Variants in MGMT observed in about 807,000 individuals in gnomAD.
MGMT encodes methylated-DNA--protein-cysteine methyltransferase.
Under a neutral mutation model 15.9 loss-of-function variants are expected in MGMT, and 14 were observed. The observed-to-expected ratio is 0.88, with a 90% CI of 0.58 to 1.37. The LOEUF is 1.37. Among genes scored for constraint, MGMT ranks in the 40% most tolerant of loss-of-function variants. MGMT has a pLI of 0.00. For synonymous variants in MGMT, 130 were observed against 118.2 expected (o/e 1.10, Z -0.65); for missense variants, 282 against 268.1 (o/e 1.05, Z -0.36).
intron 3 of MGMT, among the ~76,000 whole-genome samples, chr10:129,756,460 G>T (rs1036262081): frequency 2.0e-5 from 3 of 151,846 alleles, no homozygotes; most frequent in Non-Finnish European, 2.9e-5. Flanking sequence ...GGCTGCTGGG[G>T]TTTTTTTTGT....
At chr10:129,765,137 C>T (rs1279541854) in intron 4 of MGMT, among the ~76,000 whole-genome samples, 2 of 152,080 alleles carry the variant, frequency 1.3e-5, no homozygotes, top group African/African-American at 4.8e-5. Flanking sequence ...AGGCATGTCC[C>T]CCCACACGTC....
chr10:129,502,709 G>T (rs1320503981), intron 1 of MGMT, among the ~76,000 whole-genome samples: 4 of 152,094 alleles, frequency 2.6e-5, no homozygotes, highest in Admixed American at 2.6e-4. Context: ...CCCTGTTGGT[G>T]TAATTAACTT....
At position 129,646,754 on chromosome 10, in the gene MGMT, A is replaced by ATATATATTTTTTTTTTTTTTTTT; in HGVS notation, c.126-61140_126-61139insATATATTTTTTTTTTTTTTTTTT. Among the ~76,000 whole-genome samples the ATATATATTTTTTTTTTTTTTTTT allele has an allele frequency of 1.7e-3, 147 of 86,468 alleles. 2 individuals carry two copies. The highest frequency in any genetic ancestry group is 2.8e-3 in the Non-Finnish European group (108 of 38,772). 56.7% of individuals were successfully genotyped at this position (86,468 alleles called of 152,430 possible). On this transcript the variant is annotated intron_variant, in intron 2 of 4. Transcript: ENST00000651593. ...TATATATATATATATATATATATAT[A>ATATATATTTTTTTTTTTTTTTTT]TTTTCAGGGAATGGTAGAGAACAGT... is the stretch of plus-strand genomic sequence containing the variant.
At chr10:129,601,874 T>G (rs1296693824) in intron 2 of MGMT, among the ~76,000 whole-genome samples, 1 of 152,162 alleles carries the variant, frequency 6.6e-6, no homozygotes, top group Non-Finnish European at 1.5e-5. Context: ...CAGTGGCCAC[T>G]GCAATACAAA....
chr10:129,573,338 G>A (rs1447635482), intron 2 of MGMT, among the ~76,000 whole-genome samples: 2 of 152,120 alleles, frequency 1.3e-5, no homozygotes, highest in African/African-American at 4.8e-5. Context: ...CACAAAGATT[G>A]TACAGATCCT....
intron 2 of MGMT, among the ~76,000 whole-genome samples, chr10:129,697,129 T>C (rs1401771555): frequency 2.0e-5 from 3 of 152,154 alleles, no homozygotes; most frequent in Non-Finnish European, 4.4e-5. Flanking sequence ...TAGTGTATAA[T>C]AGAAAGTAGG....
chr10:129,580,881 G>C (rs1564858762), intron 2 of MGMT, among the ~76,000 whole-genome samples: 1 of 152,184 alleles, frequency 6.6e-6, no homozygotes, highest in Non-Finnish European at 1.5e-5. Context: ...ACCCTTAGAA[G>C]ACATAGTACC....
chr10:129,610,252 G>T (rs945146081), intron 2 of MGMT, among the ~76,000 whole-genome samples: 2 of 152,136 alleles, frequency 1.3e-5, no homozygotes, highest in East Asian at 3.9e-4. Context: ...TTCTTTGGCG[G>T]TATCACTGTC....
chr10:129,660,283 G>A (rs1847581121), intron 2 of MGMT, among the ~76,000 whole-genome samples: 1 of 152,026 alleles, frequency 6.6e-6, no homozygotes, highest in African/African-American at 2.4e-5. Context: ...AGCATGGGGT[G>A]GTATCTCGGC....
Position 129,757,382 on chromosome 10 carries a change from C to T in MGMT, c.275-1820C>T, listed in dbSNP as rs942251049. On this transcript the variant is annotated intron_variant, in intron 3 of 4. Coordinates refer to ENST00000651593, the MANE Select transcript of MGMT (RefSeq NM_002412.5). ...TGTTTCTCGGAACTGCTCTGTGCTCCGGTTAGGTTTGCACACACCTCCCTC... is the reference window on the plus strand; with the variant it reads ...TGTTTCTCGGAACTGCTCTGTGCTCTGGTTAGGTTTGCACACACCTCCCTC... Among the ~76,000 whole-genome samples the T allele has an allele frequency of 3.3e-5, 5 of 152,318 alleles. No individual in the cohort carries two copies. The South Asian group carries it at 6.2e-4, about 19-fold the overall frequency.
chr10:129,739,446 A>G (rs377313700), intron 3 of MGMT, among the ~76,000 whole-genome samples: 1 of 152,196 alleles, frequency 6.6e-6, no homozygotes, highest in Non-Finnish European at 1.5e-5. Flanking sequence ...TTTTCGAAAA[A>G]ATTACAGCAG....
chr10:129,627,939 T>A (rs1295955092), intron 2 of MGMT, among the ~76,000 whole-genome samples: 1 of 152,230 alleles, frequency 6.6e-6, no homozygotes, highest in African/African-American at 2.4e-5. Context: ...TGTCCTGAGT[T>A]AGCCTTTGTT....
At chr10:129,671,552 C>T (rs1335647522) in intron 2 of MGMT, among the ~76,000 whole-genome samples, 1 of 152,120 alleles carries the variant, frequency 6.6e-6, no homozygotes, top group African/African-American at 2.4e-5. Flanking sequence ...TTCCGGCCCA[C>T]AAAACACAAT....
chr10:129,759,678 G>A (rs1848849870), intron 4 of MGMT, among the ~76,000 whole-genome samples: 2 of 152,096 alleles, frequency 1.3e-5, no homozygotes, highest in Admixed American at 1.3e-4. Context: ...CGTGTTGGGT[G>A]CCTGTTTTAT....
chr10:129,470,065 A>G (rs1845213389), intron 1 of MGMT, among the ~76,000 whole-genome samples: 1 of 152,236 alleles, frequency 6.6e-6, no homozygotes. Context: ...GAGAAGACAC[A>G]TAAACCATCA....
chr10:129,485,243 C>A (rs886162185), intron 1 of MGMT, among the ~76,000 whole-genome samples: 3 of 152,102 alleles, frequency 2.0e-5, no homozygotes, highest in African/African-American at 7.2e-5. Context: ...TCTGAGTAGG[C>A]CCTTCTTCCC....
At chr10:129,758,055 C>A (rs938018099) in intron 3 of MGMT, among the ~76,000 whole-genome samples, 6 of 152,176 alleles carry the variant, frequency 3.9e-5, no homozygotes, top group African/African-American at 1.4e-4. Flanking sequence ...TTTGATGACC[C>A]TTTTCTAGTA....
chr10:129,605,516 C>G (rs1846878518), intron 2 of MGMT, among the ~76,000 whole-genome samples: 2 of 152,056 alleles, frequency 1.3e-5, no homozygotes, highest in East Asian at 1.9e-4. Flanking sequence ...AATAAACAGA[C>G]AATGCAAAAA....
At chr10:129,678,050 C>T (rs1449505328) in intron 2 of MGMT, among the ~76,000 whole-genome samples, 3 of 151,704 alleles carry the variant, frequency 2.0e-5, no homozygotes, top group African/African-American at 4.8e-5. Context: ...TGCCTGGCAT[C>T]GTCCTTCATC....
Sources: gnomAD v4.1 joint callset for allele counts (sites outside exome capture counted in the v4.1 genomes callset) on GRCh38, gnomAD v4.1.1 for gene constraint, MANE v1.5 for transcripts, NCBI Gene and HGNC (gene_info 2026-07-23, HGNC 2026-07-21) for gene names.